TENM3: variants seen among roughly 807,000 people sequenced by gnomAD.
TENM3 encodes the protein teneurin transmembrane protein 3.
TENM3 carries 63 observed loss-of-function variants against 255.1 expected under a neutral mutation model. That is an observed-to-expected ratio of 0.25 (90% CI 0.20 to 0.30). The LOEUF (loss-of-function observed/expected upper bound fraction) is 0.30. Ranked by LOEUF, TENM3 falls within the 10% of genes least tolerant of loss-of-function variation. The pLI, the probability that TENM3 is intolerant of heterozygous loss-of-function variation, is 1.00. For missense variants in TENM3, 2,929 were observed against 3,461.1 expected (o/e 0.85, Z 3.86); for synonymous variants, 1,306 against 1,322.3 (o/e 0.99, Z 0.27).
chr4:181,509,598 G>T, the TENM3 span, among the ~76,000 whole-genome samples: 1 of 152,238 alleles, frequency 6.6e-6, no homozygotes, highest in South Asian at 2.1e-4. Context: ...GCACCCAGCA[G>T]GTGGGCCTTC....
intron 5 of TENM3, among the ~76,000 whole-genome samples, chr4:182,635,322 C>A (rs567506512): frequency 7.9e-5 from 12 of 152,258 alleles, no homozygotes; most frequent in Middle Eastern, 3.4e-3. Flanking sequence ...AATATACGGT[C>A]CAATGGTGTT....
chr4:182,161,639 GTATATA>G (rs147887811), intron 1 of TENM3, among the ~76,000 whole-genome samples: 2 of 87,890 alleles, frequency 2.3e-5, no homozygotes, highest in Non-Finnish European at 4.2e-5. Context: ...ATATATATAT[GTATATA>G]TATATATACA....
intron 1 of TENM3, among the ~76,000 whole-genome samples, chr4:182,212,849 G>A (rs1237187401): frequency 6.6e-6 from 1 of 152,114 alleles, no homozygotes; most frequent in Non-Finnish European, 1.5e-5. Flanking sequence ...CATTGTCTTG[G>A]GTGACTAAAA....
rs556775026 is a variant in TENM3 at position 182,484,582 on chromosome 4, T to C, written c.512-116342T>C. ...AATTTTGAATGATTGTGTGCCTACCTATGAGAATTGTTTGTTAAAATTTTG... is the reference window on the plus strand; with the variant it reads ...AATTTTGAATGATTGTGTGCCTACCCATGAGAATTGTTTGTTAAAATTTTG... On this transcript the variant is annotated intron_variant, in intron 3 of 27. Coordinates refer to ENST00000511685, the MANE Select transcript of TENM3 (RefSeq NM_001080477.4). Among the ~76,000 whole-genome samples the C allele has an allele frequency of 2.0e-5, 3 of 152,310 alleles. No individual in the cohort carries two copies. In the East Asian group the frequency reaches 5.8e-4, roughly 29 times the overall value.
chr4:181,797,605 A>G, the TENM3 span, among the ~76,000 whole-genome samples: 33 of 152,336 alleles, frequency 2.2e-4, 1 homozygote, highest in Non-Finnish European at 3.4e-4. Context: ...ATAGGCATTA[A>G]CAAGTAAAAC....
At chr4:181,835,438 A>G in the TENM3 span, among the ~76,000 whole-genome samples, 1 of 152,224 alleles carries the variant, frequency 6.6e-6, no homozygotes, top group Non-Finnish European at 1.5e-5. Context: ...AATTTCACAC[A>G]TTTAGACTTC....
the TENM3 span, among the ~76,000 whole-genome samples, chr4:181,948,733 T>C: frequency 1.2e-3 from 188 of 152,194 alleles, no homozygotes; most frequent in Middle Eastern, 0.014. Context: ...TATGAAAGCC[T>C]TTGTCTGAAG....
At chr4:181,584,300 G>A in the TENM3 span, among the ~76,000 whole-genome samples, 3 of 152,004 alleles carry the variant, frequency 2.0e-5, no homozygotes, top group African/African-American at 7.2e-5. Context: ...TCAGGTTTTC[G>A]GAAACGGGTA....
the TENM3 span, among the ~76,000 whole-genome samples, chr4:181,532,081 T>C: frequency 1.3e-5 from 2 of 151,832 alleles, no homozygotes; most frequent in African/African-American, 4.8e-5. Flanking sequence ...CACAGAAAAA[T>C]GTGTTATAAT....
the TENM3 span, among the ~76,000 whole-genome samples, chr4:182,003,447 A>G: frequency 6.6e-6 from 1 of 152,142 alleles, no homozygotes; most frequent in Non-Finnish European, 1.5e-5. Flanking sequence ...CTAAGTAAAC[A>G]TATATACATA....
chr4:181,967,451 A>AT, the TENM3 span, among the ~76,000 whole-genome samples: 1 of 152,102 alleles, frequency 6.6e-6, no homozygotes, highest in Non-Finnish European at 1.5e-5. Flanking sequence ...CCTCCTGTTA[A>AT]TTTTTTTTGG....
chr4:182,356,470 G>A (rs1765536868), intron 3 of TENM3, among the ~76,000 whole-genome samples: 1 of 152,140 alleles, frequency 6.6e-6, no homozygotes, highest in African/African-American at 2.4e-5. Context: ...GCTCAACTAA[G>A]GAAGGAGAGA....
At chr4:181,537,318 G>A in the TENM3 span, among the ~76,000 whole-genome samples, 2 of 152,070 alleles carry the variant, frequency 1.3e-5, no homozygotes, top group Non-Finnish European at 2.9e-5. Flanking sequence ...TCTGAAAAGA[G>A]CTTCTACATG....
chr4:182,131,950 G>A, the TENM3 span, among the ~76,000 whole-genome samples: 6 of 152,264 alleles, frequency 3.9e-5, no homozygotes, highest in East Asian at 7.7e-4. Flanking sequence ...AAACATTGGA[G>A]CAGTTACAGC....
chr4:181,533,756 A>T, the TENM3 span, among the ~76,000 whole-genome samples: 1 of 151,808 alleles, frequency 6.6e-6, no homozygotes, highest in Non-Finnish European at 1.5e-5. Context: ...AAAAACTTTC[A>T]TTAGTTTTCT....
chr4:181,897,225 C>T, the TENM3 span, among the ~76,000 whole-genome samples: 1 of 152,174 alleles, frequency 6.6e-6, no homozygotes, highest in East Asian at 1.9e-4. Context: ...TTCAGCATTT[C>T]AAACAAATTA....
At position 182,232,714 on chromosome 4, in the gene TENM3, C is replaced by T. The variant is rs187871608; in HGVS notation, c.-76+87960C>T. 3.9e-5 allele frequency among the ~76,000 whole-genome samples: 6 copies of T among 152,178 alleles called. No homozygotes were observed. In the East Asian group the frequency reaches 9.7e-4, roughly 25 times the overall value. On this transcript the variant is annotated intron_variant, in intron 1 of 2. Coordinates refer to the TENM3 transcript ENST00000512480. The stretch of plus-strand genomic sequence containing the variant: ...CATCCAAAAAAAAAAGACATATATA[C>T]ATGAATTCCCCCCTTCTCTGGGGGT...
At chr4:182,056,516 G>C in the TENM3 span, among the ~76,000 whole-genome samples, 2 of 152,110 alleles carry the variant, frequency 1.3e-5, no homozygotes, top group Admixed American at 6.5e-5. Flanking sequence ...ACCTCTGAGA[G>C]CAAACTGAAG....
the TENM3 span, among the ~76,000 whole-genome samples, chr4:181,519,468 A>G: frequency 6.6e-6 from 1 of 152,216 alleles, no homozygotes; most frequent in Non-Finnish European, 1.5e-5. Context: ...TGTTAGTTCT[A>G]TCAGAAGAAA....
Sources: gnomAD v4.1 joint callset for allele counts (sites outside exome capture counted in the v4.1 genomes callset) on GRCh38, gnomAD v4.1.1 for gene constraint, MANE v1.5 for transcripts, NCBI Gene and HGNC (gene_info 2026-07-23, HGNC 2026-07-21) for gene names.